The following KCNQ3 variants were observed in gnomAD, a reference collection of about 807,000 sequenced individuals.
The protein encoded by KCNQ3 is potassium voltage-gated channel subfamily Q member 3, also known as potassium voltage-gated channel subfamily KQT member 3.
In KCNQ3, 30 loss-of-function variants were observed where a neutral mutation model predicts 92.5. The observed-to-expected ratio is 0.32, with a 90% CI of 0.24 to 0.44. The LOEUF (loss-of-function observed/expected upper bound fraction) is 0.44. KCNQ3 is among the 20% of genes least tolerant of loss of function. KCNQ3 has a pLI of 1.00. For missense variants in KCNQ3, 913 were observed against 1,140.3 expected, an observed-to-expected ratio of 0.80 and a Z score of 2.87; for synonymous variants, 450 against 468.8, an observed-to-expected ratio of 0.96 and a Z score of 0.52.
intron 1 of KCNQ3, among the ~76,000 whole-genome samples, chr8:132,209,166 G>A (rs1239672423): frequency 6.6e-6 from 1 of 152,116 alleles, no homozygotes; most frequent in East Asian, 1.9e-4. Context: ...AATTCTAACA[G>A]GGTCCATCTT....
chr8:132,136,817 ATC>A (rs1171053269), intron 12 of KCNQ3, among the ~76,000 whole-genome samples: 1 of 151,568 alleles, frequency 6.6e-6, no homozygotes, highest in Non-Finnish European at 1.5e-5. Flanking sequence ...AATTTAAAAA[ATC>A]TCATTATATA....
chr8:132,216,761 C>G (rs1814044008), intron 1 of KCNQ3, among the ~76,000 whole-genome samples: 1 of 152,122 alleles, frequency 6.6e-6, no homozygotes. Context: ...TTAGGAAGCA[C>G]TTATTAGCTC....
chr8:132,392,790 CAAA>C (rs56183412), intron 1 of KCNQ3, among the ~76,000 whole-genome samples: 290 of 72,620 alleles, frequency 4.0e-3, no homozygotes, highest in Middle Eastern at 8.8e-3. Flanking sequence ...GAACCTGTCT[CAAA>C]AAAAAAAAAA....
intron 1 of KCNQ3, among the ~76,000 whole-genome samples, chr8:132,220,157 T>C (rs566387574): frequency 2.0e-5 from 3 of 152,276 alleles, no homozygotes; most frequent in South Asian, 2.1e-4. Flanking sequence ...CCTCCAAACC[T>C]ACCCCCTGCA....
rs145071027 is a variant in KCNQ3 at position 132,410,369 on chromosome 8, C to G, written c.386+69778G>C. ...AAGAAGATAGGCCAAGAATTTGGAA[C>G]AAGATAATCCCTGAGCTTCTTGAAA... On this transcript the variant is annotated intron_variant, in intron 1 of 14. Transcript: ENST00000388996. 5.0e-3 allele frequency among the ~76,000 whole-genome samples: 767 copies of G among 152,230 alleles called. 10 individuals carry two copies. The highest frequency in any genetic ancestry group is 0.018 in the African/African-American group (730 of 41,530).
intron 1 of KCNQ3, among the ~76,000 whole-genome samples, chr8:132,409,406 C>A (rs1820588639): frequency 6.6e-6 from 1 of 152,030 alleles, no homozygotes; most frequent in African/African-American, 2.4e-5. Context: ...CCCACTCATG[C>A]CCCAAGACCC....
Position 132,328,298 on chromosome 8 carries a change from C to T in KCNQ3, c.387-142117G>A, listed in dbSNP as rs558992342. 3.3e-5 allele frequency among the ~76,000 whole-genome samples: 5 copies of T among 152,264 alleles called. No individual in the cohort carries two copies. In the East Asian group the frequency reaches 9.7e-4, roughly 29 times the overall value. On this transcript the variant is annotated intron_variant, in intron 1 of 14. Transcript: ENST00000388996. ...TTCCCTGCTGCAGGGGACAACAACA[C>T]CCCCAGTGTCATAGTCATGCTGCCT...
intron 1 of KCNQ3, among the ~76,000 whole-genome samples, chr8:132,245,348 G>T (rs1815135132): frequency 6.6e-6 from 1 of 152,010 alleles, no homozygotes; most frequent in South Asian, 2.1e-4. Flanking sequence ...TCATCATTCT[G>T]CAAAACTCCT....
At chr8:132,247,640 TA>T (rs571762073) in intron 1 of KCNQ3, among the ~76,000 whole-genome samples, 4 of 151,036 alleles carry the variant, frequency 2.6e-5, no homozygotes, top group East Asian at 2.0e-4. Flanking sequence ...ACTAAAAATA[TA>T]AAAAAAATTA....
In KCNQ3 at chr8:132,137,832, A is replaced by C. The variant is rs532712048; in HGVS notation, c.1700+53T>G. 160 of 1,603,812 alleles carry C rather than the reference A, an allele frequency of 1.0e-4. No individual in the cohort carries two copies. In the African/African-American group the frequency reaches 1.7e-3, roughly 17 times the overall value. On this transcript the variant is annotated intron_variant, in intron 12 of 14. Coordinates refer to ENST00000388996, the MANE Select transcript of KCNQ3 (RefSeq NM_004519.4). ...TGAATACCTCTCACCTTAAACTCTA[A>C]GGTTCATAGGGCTTTGAGGGGAGCG...
At chr8:132,442,318 G>T in intron 1 of KCNQ3, among the ~76,000 whole-genome samples, 1 of 152,138 alleles carries the variant, frequency 6.6e-6, no homozygotes, top group East Asian at 1.9e-4. Flanking sequence ...GCTGTCCCAG[G>T]AGTATAAATC....
intron 1 of KCNQ3, among the ~76,000 whole-genome samples, chr8:132,381,904 G>A (rs1819761864): frequency 6.6e-6 from 1 of 152,200 alleles, no homozygotes; most frequent in Non-Finnish European, 1.5e-5. Context: ...AAATGAACAG[G>A]AAACATCTTG....
At chr8:132,338,745 G>GA (rs763088725) in intron 1 of KCNQ3, among the ~76,000 whole-genome samples, 22 of 152,172 alleles carry the variant, frequency 1.4e-4, no homozygotes, top group African/African-American at 5.1e-4. Flanking sequence ...TGCTGACACA[G>GA]AAAAAATTAA....
intron 1 of KCNQ3, among the ~76,000 whole-genome samples, chr8:132,390,817 T>C (rs1440526814): frequency 6.6e-6 from 1 of 152,232 alleles, no homozygotes; most frequent in South Asian, 2.1e-4. Context: ...TAGACTGGTA[T>C]CTTTATAATA....
chr8:132,221,178 C>G lies in KCNQ3; in HGVS notation c.387-34997G>C, dbSNP rs146505627. On this transcript the variant is annotated intron_variant, in intron 1 of 14. Coordinates refer to ENST00000388996, the MANE Select transcript of KCNQ3 (RefSeq NM_004519.4). ...TTTTTATGGCTGCATAGTATTCCAT[C>G]GTGTATATGTGCCACATTTTCTTAA... Among the ~76,000 whole-genome samples, 411 of 152,220 alleles carry G rather than the reference C, an allele frequency of 2.7e-3. 14 individuals carry two copies. The East Asian group carries it at 0.07, about 26-fold the overall frequency.
intron 1 of KCNQ3, among the ~76,000 whole-genome samples, chr8:132,234,285 A>G (rs1028108352): frequency 7.4e-5 from 11 of 147,710 alleles, no homozygotes; most frequent in African/African-American, 2.7e-4. Context: ...GGGTGTTCAG[A>G]TCCTCTTTTG....
intron 1 of KCNQ3, among the ~76,000 whole-genome samples, chr8:132,439,038 C>A (rs953302596): frequency 6.6e-6 from 1 of 150,732 alleles, no homozygotes. Context: ...ATCCTATAAC[C>A]CTGGATGACC....
At chr8:132,134,754 T>C (rs1293450454) in intron 12 of KCNQ3, among the ~76,000 whole-genome samples, 1 of 151,998 alleles carries the variant, frequency 6.6e-6, no homozygotes, top group Admixed American at 6.6e-5. Context: ...CTTGTTATTT[T>C]TTTTTTTTCA....
chr8:132,439,262 C>A (rs562802149), intron 1 of KCNQ3, among the ~76,000 whole-genome samples: 2 of 152,036 alleles, frequency 1.3e-5, no homozygotes, highest in South Asian at 4.2e-4. Context: ...TTCATCCCAG[C>A]AAACCTTTTT....
Sources: gnomAD v4.1 joint callset for allele counts (sites outside exome capture counted in the v4.1 genomes callset) on GRCh38, gnomAD v4.1.1 for gene constraint, MANE v1.5 for transcripts, NCBI Gene and HGNC (gene_info 2026-07-23, HGNC 2026-07-21) for gene names.